GRIN2D: variants seen among roughly 807,000 people sequenced by gnomAD.
GRIN2D encodes the protein glutamate ionotropic receptor NMDA type subunit 2D.
GRIN2D carries 37 observed loss-of-function variants against 103.2 expected under a neutral mutation model. That is an observed-to-expected ratio of 0.36 (90% CI 0.28 to 0.47). The LOEUF (loss-of-function observed/expected upper bound fraction) is 0.47, where lower values mean the gene tolerates loss of function less well. Ranked by LOEUF, GRIN2D falls within the 20% of genes least tolerant of loss-of-function variation. The pLI, the probability that GRIN2D is intolerant of heterozygous loss-of-function variation, is 1.00. For synonymous variants in GRIN2D, 845 were observed against 885.6 expected (o/e 0.95, Z 0.81); for missense variants, 1,557 against 1,910.6 (o/e 0.81, Z 3.45).
chr19:48,417,639 G>A (rs2147453963), intron 8 of GRIN2D, among the ~76,000 whole-genome samples: 1 of 152,294 alleles, frequency 6.6e-6, no homozygotes, highest in South Asian at 2.1e-4. Context: ...AGGGCACACT[G>A]AGAAGCACCA....
intron 4 of GRIN2D, among the ~76,000 whole-genome samples, chr19:48,410,527 C>CAAAAAAAAAA (rs4009666): frequency 2.2e-5 from 1 of 45,420 alleles, no homozygotes; most frequent in Non-Finnish European, 3.8e-5. Flanking sequence ...GACTCTGACT[C>CAAAAAAAAAA]AAAAAAAAAA....
At chr19:48,397,821 C>A (rs1970661107) in intron 2 of GRIN2D, among the ~76,000 whole-genome samples, 1 of 151,926 alleles carries the variant, frequency 6.6e-6, no homozygotes, top group African/African-American at 2.4e-5. Context: ...TGGGTGTCCC[C>A]ATCCCCACCT....
rs773676046 is a variant in GRIN2D, at chr19:48,421,829, C to T, written c.2136C>T (p.Thr712=). 30 of 1,613,938 alleles carry T rather than the reference C, an allele frequency of 1.9e-5. No homozygotes were observed. The Admixed American group carries it at 3.0e-4, about 16-fold the overall frequency. ...AGTACCCGCCCCTGAAGTTTGGGAC[C>T]GTGCCCAACGGCTCCACGGAGAAGA... ...QEQYPPLKFG[T]VPNGSTEKNI... is the part of the protein sequence containing the mutation. Residue 712 remains threonine (T), a synonymous_variant, in exon 11 of 14, where the codon ACC becomes ACT. Transcript: ENST00000263269. The surrounding 1 kb of genome is among the most constrained non-coding windows in gnomAD (Gnocchi z 4.8).
In GRIN2D at chr19:48,442,570, C is replaced by A; in HGVS notation, c.2674-30C>A. 1 of 1,482,048 alleles carries A rather than the reference C, an allele frequency of 6.7e-7. No individual in the cohort carries two copies. Among genetic ancestry groups the A allele is most frequent in the South Asian group, 1.3e-5 (1 of 74,456 alleles). The allele number at this position is 1,482,048 out of a possible 1,614,324, so 91.8% of individuals were successfully genotyped here. Reference sequence around the variant, plus strand: ...GGGCAGGCGTCCTGGGCATCTCGCGCTGACCCCCGTCCTGTCCCCGGACCC... The same window carrying A: ...GGGCAGGCGTCCTGGGCATCTCGCGATGACCCCCGTCCTGTCCCCGGACCC... On this transcript the variant is annotated intron_variant, in intron 13 of 13. Coordinates refer to ENST00000263269, the MANE Select transcript of GRIN2D (RefSeq NM_000836.4). The surrounding 1 kb of genome is among the most constrained non-coding windows in gnomAD (Gnocchi z 7.2).
Position 48,443,749 on chromosome 19 carries a change from C to A in GRIN2D, c.3823C>A (p.Leu1275Ile). Residue 1275 changes from leucine to isoleucine, a missense_variant, in exon 14 of 14, where the codon CTC becomes ATC. Coordinates refer to ENST00000263269, the MANE Select transcript of GRIN2D (RefSeq NM_000836.4). This position sits in a 1 kb window ranked among gnomAD's most constrained non-coding sequence, Gnocchi z 8.9. ...PAPTSRSLED[L>I]SSCPRAAPAR... ...GCCCACCTCGCGCTCGCTCGAGGAC[C>A]TCAGCTCGTGCCCTCGCGCCGCCCC... The A allele has an allele frequency of 7.0e-7, 1 of 1,423,850 alleles. No individual in the cohort carries two copies. The highest frequency in any genetic ancestry group is 1.4e-5 in the South Asian group (1 of 70,914). 88.2% of individuals were successfully genotyped at this position (1,423,850 alleles called of 1,614,324 possible). A position where few individuals can be genotyped will look rare whatever the true frequency, so the allele number is the denominator to read the frequency against.
Position 48,442,285 on chromosome 19 carries a change from C to T in GRIN2D, c.2576C>T (p.Ser859Phe). 1 of 1,614,152 alleles carries T rather than the reference C, an allele frequency of 6.2e-7. No individual in the cohort carries two copies. Among genetic ancestry groups the T allele is most frequent in the Non-Finnish European group, 8.5e-7 (1 of 1,180,020 alleles). ...FYMLLVAMGL[S>F]LLVFAWEHLV... ...ATGCTCCTGGTGGCCATGGGCCTGTCCCTGCTGGTCTTCGCCTGGGAGCAC... is the reference window on the plus strand; with the variant it reads ...ATGCTCCTGGTGGCCATGGGCCTGTTCCTGCTGGTCTTCGCCTGGGAGCAC... Residue 859 changes from serine to phenylalanine, a missense_variant, in exon 13 of 14, where the codon TCC (serine) becomes TTC (phenylalanine). Physicochemically the swap from Ser to Phe is radical, Grantham distance 155 (BLOSUM62 -2). Transcript: ENST00000263269. This position sits in a 1 kb window ranked among gnomAD's most constrained non-coding sequence, Gnocchi z 7.2.
chr19:48,404,640 G>C (rs1321170691), intron 3 of GRIN2D, 94 bp from the exon 4 acceptor site: 1 of 1,264,484 alleles, frequency 7.9e-7, no homozygotes, highest in Admixed American at 2.4e-5. Flanking sequence ...TGTCGAGTCA[G>C]TCTGCCATAT....
rs1057423383 is a variant in GRIN2D at position 48,413,803 on chromosome 19, C to T, written c.1086-188C>T. The stretch of plus-strand genomic sequence containing the variant: ...GTCTGGAACCTTATCCTGGGGGGCA[C>T]TGGGCAGCCAAGGGGAGGGTGCTGA... On this transcript the variant is annotated intron_variant, in intron 4 of 13. Transcript: ENST00000263269. Among the ~76,000 whole-genome samples, 5 of 151,992 alleles carry T rather than the reference C, an allele frequency of 3.3e-5. No individual in the cohort carries two copies. The East Asian group carries it at 9.7e-4, about 29-fold the overall frequency.
rs1971343180 is a variant in GRIN2D at position 48,443,795 on chromosome 19, C to G, written c.3869C>G (p.Pro1290Arg). ...RAAPARRLTGPSRHARRCPHA... is the reference protein window; with the variant it reads ...RAAPARRLTGRSRHARRCPHA... ...GCCCCTGCGCGCAGGCTTACCGGGC[C>G]CTCCCGCCACGCTCGCAGGTGTCCG... Residue 1290 changes from proline (P) to arginine (R), a missense_variant, in exon 14 of 14, where the codon CCC becomes CGC. Coordinates refer to ENST00000263269, the MANE Select transcript of GRIN2D (RefSeq NM_000836.4). The surrounding 1 kb of genome is among the most constrained non-coding windows in gnomAD (Gnocchi z 8.9). The G allele has an allele frequency of 2.0e-6, 3 of 1,471,372 alleles. No homozygotes were observed. The highest frequency in any genetic ancestry group is 2.6e-5 in the South Asian group (2 of 77,444). 91.1% of individuals were successfully genotyped at this position (1,471,372 alleles called of 1,614,324 possible).
At chr19:48,419,138 C>T in intron 8 of GRIN2D, 96 bp from the exon 9 acceptor site, 3 of 1,202,076 alleles carry the variant, frequency 2.5e-6, no homozygotes, top group Non-Finnish European at 2.3e-6. Context: ...CTCAGCCTCC[C>T]AAAGTTCTGG....
In GRIN2D at chr19:48,442,404, A is replaced by G. The variant is rs1210294318; in HGVS notation, c.2673+22A>G. 2.5e-6 allele frequency: 4 copies of G among 1,590,610 alleles called. No homozygotes were observed. The Admixed American group carries it at 6.7e-5, about 27-fold the overall frequency. On this transcript the variant is annotated intron_variant, in intron 13 of 13. Coordinates refer to ENST00000263269, the MANE Select transcript of GRIN2D (RefSeq NM_000836.4). The surrounding 1 kb of genome is among the most constrained non-coding windows in gnomAD (Gnocchi z 7.2). ...CAGGGTATGGGGCAGAGAGGGAGGC[A>G]GAGAGGGGGAGATGGCAGGGGCGGG...
At chr19:48,418,217 G>GAA (rs1970972326) in intron 8 of GRIN2D, among the ~76,000 whole-genome samples, 1 of 151,714 alleles carries the variant, frequency 6.6e-6, no homozygotes, top group Non-Finnish European at 1.5e-5. Flanking sequence ...ATTTTTAGTA[G>GAA]AGATGGGGTT....
Position 48,443,372 on chromosome 19 carries a change from C to G in GRIN2D, c.3446C>G (p.Pro1149Arg), listed in dbSNP as rs554947024. Residue 1149 changes from proline to arginine, a missense_variant, in exon 14 of 14, where the codon CCC (proline) becomes CGC (arginine). Physicochemically the swap from Pro to Arg is moderately radical, Grantham distance 103. Transcript: ENST00000263269. This position sits in a 1 kb window ranked among gnomAD's most constrained non-coding sequence, Gnocchi z 8.9. ...YPYAERLGPP[P>R]GRYWSVDKLG... ...TATGCCGAGCGCCTCGGGCCGCCGC[C>G]CGGCCGCTACTGGTCGGTCGACAAG... The G allele has an allele frequency of 6.7e-7, 1 of 1,492,892 alleles. No homozygotes were observed. The highest frequency in any genetic ancestry group is 1.3e-5 in the South Asian group (1 of 79,462). The allele number at this position is 1,492,892 out of a possible 1,614,324, so 92.5% of individuals were successfully genotyped here. A position where few individuals can be genotyped will look rare whatever the true frequency, so the allele number is the denominator to read the frequency against.
intron 11 of GRIN2D, among the ~76,000 whole-genome samples, chr19:48,438,889 T>C (rs1376677908): frequency 6.6e-6 from 1 of 150,916 alleles, no homozygotes; most frequent in East Asian, 2.0e-4. Flanking sequence ...GAAGGGATCC[T>C]CCTGCCTCAG....
rs1970669406 is a variant in GRIN2D at position 48,398,480 on chromosome 19, G to C, written c.88G>C (p.Glu30Gln). 2.9e-6 allele frequency: 3 copies of C among 1,041,234 alleles called. No homozygotes were observed. The highest frequency in any genetic ancestry group is 3.5e-6 in the Non-Finnish European group (3 of 867,692). 64.5% of individuals were successfully genotyped at this position (1,041,234 alleles called of 1,614,324 possible). Residue 30 changes from glutamate to glutamine, a missense_variant, in exon 3 of 14, where the codon GAG (glutamate) becomes CAG (glutamine). Coordinates refer to ENST00000263269, the MANE Select transcript of GRIN2D (RefSeq NM_000836.4). ...LALACASPFP[E>Q]EAPGPGGAGG... ...GCTGGCCTGCGCCAGCCCGTTCCCG[G>C]AGGAGGCGCCGGGGCCGGGCGGGGC...
chr19:48,404,648 TA>T, intron 3 of GRIN2D, 85 bp from the exon 4 acceptor site: 1 of 1,302,466 alleles, frequency 7.7e-7, no homozygotes, highest in Non-Finnish European at 1.1e-6. Context: ...CAGTCTGCCA[TA>T]TTGGGAGCTG....
In GRIN2D at chr19:48,443,204, C is replaced by A; in HGVS notation, c.3278C>A (p.Pro1093Gln). 1 of 1,227,446 alleles carries A rather than the reference C, an allele frequency of 8.1e-7. No homozygotes were observed. The highest frequency in any genetic ancestry group is 1.6e-5 in the African/African-American group (1 of 62,404). 76.0% of individuals were successfully genotyped at this position (1,227,446 alleles called of 1,614,324 possible). ...GCAGGCGGAGGAGCCCCGGCCGCTCCGCCCCCGTGCCGCGCCGCGCCGCCC... is the reference window on the plus strand; with the variant it reads ...GCAGGCGGAGGAGCCCCGGCCGCTCAGCCCCCGTGCCGCGCCGCGCCGCCC... ...GGAGGGAPAAPPPCRAAPPPC... is the reference protein window; with the variant it reads ...GGAGGGAPAAQPPCRAAPPPC... The change falls in exon 14 of 14, where the codon CCG becomes CAG. Residue 1093 changes from proline to glutamine, a missense_variant. By Grantham distance (76) the Pro-to-Gln change is moderately conservative (BLOSUM62 -1). Coordinates refer to ENST00000263269, the MANE Select transcript of GRIN2D (RefSeq NM_000836.4). The surrounding 1 kb of genome is among the most constrained non-coding windows in gnomAD (Gnocchi z 8.9).
At chr19:48,426,773 C>G (rs1015899999) in intron 11 of GRIN2D, among the ~76,000 whole-genome samples, 2 of 151,304 alleles carry the variant, frequency 1.3e-5, no homozygotes, top group African/African-American at 4.9e-5. Flanking sequence ...TTAGTAAAGA[C>G]GGGGTCTCAC....
At chr19:48,408,334 A>C (rs1373011255) in intron 4 of GRIN2D, among the ~76,000 whole-genome samples, 2 of 69,746 alleles carry the variant, frequency 2.9e-5, no homozygotes, top group Non-Finnish European at 4.9e-5. Flanking sequence ...ACTCCATCTC[A>C]AAAAAAAAAA....
Sources: gnomAD v4.1 joint callset for allele counts (sites outside exome capture counted in the v4.1 genomes callset) on GRCh38, gnomAD v4.1.1 for gene constraint, Gnocchi (gnomAD v3.1) non-coding constraint, MANE v1.5 for transcripts, NCBI Gene and HGNC (gene_info 2026-07-23, HGNC 2026-07-21) for gene names.